CDK8: variants seen among roughly 807,000 people sequenced by gnomAD.
CDK8 encodes cyclin-dependent kinase 8.
A neutral mutation model predicts 71.5 loss-of-function variants in CDK8; 29 were observed. That is an observed-to-expected ratio of 0.41 (90% CI 0.30 to 0.55). The LOEUF (loss-of-function observed/expected upper bound fraction) is 0.55. Ranked by LOEUF, CDK8 falls within the 20% of genes least tolerant of loss-of-function variation. The pLI, the probability that CDK8 is intolerant of heterozygous loss-of-function variation, is 0.37. For synonymous variants in CDK8, 161 were observed against 192.1 expected, an observed-to-expected ratio of 0.84 and a Z score of 1.34; for missense variants, 288 against 572.6, an observed-to-expected ratio of 0.50 and a Z score of 5.07.
At chr13:26,377,060 T>C (rs947459172) in intron 4 of CDK8, among the ~76,000 whole-genome samples, 5 of 152,374 alleles carry the variant, frequency 3.3e-5, no homozygotes, top group East Asian at 3.9e-4. Context: ...TAAAATATTT[T>C]GATTTGCATT....
intron 1 of CDK8, among the ~76,000 whole-genome samples, chr13:26,290,866 C>T (rs929716509): frequency 2.0e-5 from 3 of 151,996 alleles, no homozygotes; most frequent in Non-Finnish European, 4.4e-5. Flanking sequence ...CCTGTAATCC[C>T]AGCACTTTGG....
intron 1 of CDK8, among the ~76,000 whole-genome samples, chr13:26,292,996 T>C (rs535765317): frequency 6.6e-6 from 1 of 152,330 alleles, no homozygotes; most frequent in Admixed American, 6.5e-5. Flanking sequence ...CTGGGTGCTT[T>C]CAGTTAGAAA....
intron 1 of CDK8, among the ~76,000 whole-genome samples, chr13:26,271,577 G>A (rs1303411131): frequency 6.6e-6 from 1 of 152,068 alleles, no homozygotes; most frequent in African/African-American, 2.4e-5. Flanking sequence ...AGTCTGAGGT[G>A]GGAGGACTGC....
chr13:26,255,292 T>G (rs1871472419), intron 1 of CDK8, among the ~76,000 whole-genome samples: 1 of 152,158 alleles, frequency 6.6e-6, no homozygotes, highest in Non-Finnish European at 1.5e-5. Flanking sequence ...GAGTTCCCCA[T>G]AGTGATCATC....
chr13:26,323,271 G>C (rs1479947704), intron 1 of CDK8, among the ~76,000 whole-genome samples: 1 of 149,204 alleles, frequency 6.7e-6, no homozygotes, highest in Non-Finnish European at 1.5e-5. Flanking sequence ...TTTCTTCCTG[G>C]CTGTCTTCTC....
intron 4 of CDK8, among the ~76,000 whole-genome samples, chr13:26,365,387 C>G (rs184981573): frequency 3.3e-5 from 5 of 152,158 alleles, no homozygotes; most frequent in Admixed American, 3.3e-4. Flanking sequence ...TGAGCATGCA[C>G]AATGTACTGT....
At chr13:26,284,696 A>G (rs1872915916) in intron 1 of CDK8, among the ~76,000 whole-genome samples, 2 of 152,188 alleles carry the variant, frequency 1.3e-5, no homozygotes, top group African/African-American at 4.8e-5. Flanking sequence ...GCATTCAGAG[A>G]AGAATTGGTA....
At chr13:26,376,360 G>A (rs1233137295) in intron 4 of CDK8, among the ~76,000 whole-genome samples, 1 of 152,036 alleles carries the variant, frequency 6.6e-6, no homozygotes, top group African/African-American at 2.4e-5. Flanking sequence ...CTTCAGCTTA[G>A]TTATCTCTTC....
At position 26,254,702 on chromosome 13, in the gene CDK8, G is replaced by C; in HGVS notation, c.61G>C (p.Glu21Gln). 3 of 1,612,580 alleles carry C rather than the reference G, an allele frequency of 1.9e-6. No individual in the cohort carries two copies. Among genetic ancestry groups the C allele is most frequent in the Non-Finnish European group, 2.5e-6 (3 of 1,179,294 alleles). The change falls in exon 1 of 13, where the codon GAA (glutamate) becomes CAA (glutamine). Residue 21 changes from glutamate to glutamine, a missense_variant. Around this residue, in one of 6 missense-constraint regions of CDK8, gnomAD observed 19 missense variants for 24.4 expected, o/e 0.78. Transcript: ENST00000381527. The surrounding 1 kb of genome is among the most constrained non-coding windows in gnomAD (Gnocchi z 6.7). ...SERERVEDLFEYEGCKVGRGT... is the reference protein window; with the variant it reads ...SERERVEDLFQYEGCKVGRGT... ...GCGGGAGCGGGTCGAGGACCTGTTT[G>C]AATACGAGGGCTGCAAAGTTGGCCG...
At chr13:26,298,942 G>T (rs146265439) in intron 1 of CDK8, among the ~76,000 whole-genome samples, 2 of 152,050 alleles carry the variant, frequency 1.3e-5, no homozygotes, top group East Asian at 3.9e-4. Context: ...AGCACCAGTG[G>T]TTAACTGTGG....
At chr13:26,358,613 A>G (rs1418840805) in intron 4 of CDK8, among the ~76,000 whole-genome samples, 1 of 152,228 alleles carries the variant, frequency 6.6e-6, no homozygotes, top group Non-Finnish European at 1.5e-5. Flanking sequence ...TAAGATTACC[A>G]TATGATCCAG....
At chr13:26,363,519 C>CTTTT (rs1051018187) in intron 4 of CDK8, among the ~76,000 whole-genome samples, 1 of 150,804 alleles carries the variant, frequency 6.6e-6, no homozygotes, top group African/African-American at 2.4e-5. Context: ...AAAAAATAAG[C>CTTTT]TTTTTTTTGT....
In CDK8 at chr13:26,298,326, T is replaced by C. The variant is rs373351992; in HGVS notation, c.129-39241T>C. 9.4e-4 allele frequency among the ~76,000 whole-genome samples: 143 copies of C among 152,154 alleles called. 5 individuals are homozygous for C. The South Asian group carries it at 0.029, about 31-fold the overall frequency. ...GAGCCCCAGAAAAAATTGATCTCATTGTTATTAAAGCCAGTGGCAATATCT... is the reference window on the plus strand; with the variant it reads ...GAGCCCCAGAAAAAATTGATCTCATCGTTATTAAAGCCAGTGGCAATATCT... On this transcript the variant is annotated intron_variant, in intron 1 of 12. Transcript: ENST00000381527.
At chr13:26,322,283 A>C (rs756295088) in intron 1 of CDK8, among the ~76,000 whole-genome samples, 1 of 152,208 alleles carries the variant, frequency 6.6e-6, no homozygotes, top group Non-Finnish European at 1.5e-5. Context: ...ATTCTCAAAT[A>C]GAAAAGGTTA....
intron 1 of CDK8, among the ~76,000 whole-genome samples, chr13:26,306,892 G>A (rs762182446): frequency 6.6e-6 from 1 of 152,070 alleles, no homozygotes; most frequent in East Asian, 1.9e-4. Flanking sequence ...GCCTCCCAAA[G>A]TGCTGGGATT....
Position 26,382,797 on chromosome 13 carries a change from C to CT in CDK8, c.457-16dup. The stretch of plus-strand genomic sequence containing the variant: ...CACTACTGTCTACTGAAAAAAAACA[C>CT]TATTTTGTTTCCACAGAAACCTGCT... On this transcript the variant is annotated splice_polypyrimidine_tract_variant and intron_variant, in intron 4 of 12. Coordinates refer to ENST00000381527, the MANE Select transcript of CDK8 (RefSeq NM_001260.3). 1 of 1,560,534 alleles carries CT rather than the reference C, an allele frequency of 6.4e-7. No homozygotes were observed. Among genetic ancestry groups the CT allele is most frequent in the Non-Finnish European group, 8.7e-7 (1 of 1,146,976 alleles).
At chr13:26,372,869 T>A (rs190575399) in intron 4 of CDK8, among the ~76,000 whole-genome samples, 9 of 152,320 alleles carry the variant, frequency 5.9e-5, no homozygotes, top group Admixed American at 1.3e-4. Context: ...CAGTGAAATT[T>A]CCTTTTAAAG....
chr13:26,345,371 A>G (rs1470688634), intron 2 of CDK8, among the ~76,000 whole-genome samples: 1 of 151,944 alleles, frequency 6.6e-6, no homozygotes, highest in African/African-American at 2.4e-5. Context: ...ATATTTAATG[A>G]AGTAGATTGG....
chr13:26,285,084 C>A (rs1321634229), intron 1 of CDK8, among the ~76,000 whole-genome samples: 1 of 151,906 alleles, frequency 6.6e-6, no homozygotes, highest in Admixed American at 6.6e-5. Context: ...ACTAAAAATA[C>A]AAAAGTTAGC....
Sources: allele counts gnomAD v4.1 joint callset (sites outside exome capture counted in the v4.1 genomes callset), GRCh38; gene constraint gnomAD v4.1.1; regional missense constraint gnomAD v4.1.1; non-coding constraint Gnocchi (gnomAD v3.1); transcripts MANE v1.5; gene names NCBI Gene and HGNC (gene_info 2026-07-23, HGNC 2026-07-21).